The following ADAMTSL1 variants were observed in gnomAD, a reference collection of about 807,000 sequenced individuals.
The protein encoded by ADAMTSL1 is ADAMTS like 1.
A neutral mutation model predicts 201.8 loss-of-function variants in ADAMTSL1; 126 were observed. The observed-to-expected ratio is 0.62, with a 90% CI of 0.54 to 0.72. The LOEUF (loss-of-function observed/expected upper bound fraction) is 0.72. Among genes scored for constraint, ADAMTSL1 ranks in the 30% least tolerant of loss-of-function variants. The probability of loss-of-function intolerance (pLI) is 0.00; values close to 1 mark genes in which losing one functional copy is unlikely to be tolerated. For synonymous variants in ADAMTSL1, 1,121 were observed against 903.4 expected, an observed-to-expected ratio of 1.24 and a Z score of -4.32; for missense variants, 2,679 against 2,277.8, an observed-to-expected ratio of 1.18 and a Z score of -3.59.
chr9:18,561,750 T>G (rs1821516894), intron 3 of ADAMTSL1, among the ~76,000 whole-genome samples: 1 of 152,216 alleles, frequency 6.6e-6, no homozygotes, highest in South Asian at 2.1e-4. Flanking sequence ...GCTCTTCTTG[T>G]TGCATTGATC....
chr9:18,502,500 T>C (rs1822896181), intron 1 of ADAMTSL1, among the ~76,000 whole-genome samples: 1 of 152,204 alleles, frequency 6.6e-6, no homozygotes, highest in South Asian at 2.1e-4. Context: ...AAGAAATTTG[T>C]GTATGCATAC....
chr9:18,801,513 C>A (rs1471556828), intron 20 of ADAMTSL1, among the ~76,000 whole-genome samples: 1 of 152,158 alleles, frequency 6.6e-6, no homozygotes, highest in African/African-American at 2.4e-5. Flanking sequence ...ATTTTTTCAG[C>A]TCCGCTCTCT....
intron 23 of ADAMTSL1, among the ~76,000 whole-genome samples, chr9:18,856,057 T>A (rs1826825491): frequency 6.6e-6 from 1 of 152,190 alleles, no homozygotes; most frequent in Non-Finnish European, 1.5e-5. Context: ...CTCAGATTCT[T>A]ACTGAAAGGC....
intron 2 of ADAMTSL1, among the ~76,000 whole-genome samples, chr9:18,357,779 A>G (rs969007287): frequency 6.6e-6 from 1 of 152,010 alleles, no homozygotes; most frequent in Non-Finnish European, 1.5e-5. Flanking sequence ...GAAAACATGA[A>G]AATGAAGACC....
chr9:18,622,633 A>G, intron 5 of ADAMTSL1: 1 of 568,740 alleles, frequency 1.8e-6, no homozygotes, highest in South Asian at 2.4e-5. Flanking sequence ...CTTTCTGTAC[A>G]AACATGAGCT....
intron 23 of ADAMTSL1, among the ~76,000 whole-genome samples, chr9:18,882,958 C>G (rs1402039565): frequency 6.8e-6 from 1 of 147,840 alleles, no homozygotes; most frequent in Non-Finnish European, 1.5e-5. Context: ...CACCATTACA[C>G]TCCAACCTGA....
At chr9:18,866,679 G>A (rs1827560271) in intron 23 of ADAMTSL1, among the ~76,000 whole-genome samples, 2 of 152,208 alleles carry the variant, frequency 1.3e-5, no homozygotes, top group Admixed American at 6.5e-5. Flanking sequence ...TCAGGAATGA[G>A]AGGCTATGTT....
intron 2 of ADAMTSL1, among the ~76,000 whole-genome samples, chr9:18,270,701 C>A (rs1018446512): frequency 6.6e-6 from 1 of 152,146 alleles, no homozygotes; most frequent in Non-Finnish European, 1.5e-5. Context: ...GGGAAGCTAA[C>A]AGACCATCAC....
intron 2 of ADAMTSL1, among the ~76,000 whole-genome samples, chr9:18,439,797 A>G (rs1470612932): frequency 6.6e-6 from 1 of 152,224 alleles, no homozygotes; most frequent in Non-Finnish European, 1.5e-5. Flanking sequence ...GCAAGTTTCT[A>G]GGCACTTTAT....
chr9:18,716,953 T>G (rs1346749109), intron 14 of ADAMTSL1, among the ~76,000 whole-genome samples: 2 of 137,822 alleles, frequency 1.5e-5, no homozygotes, highest in Non-Finnish European at 3.2e-5. Flanking sequence ...ATGGATGAAA[T>G]TGGAAATCAT....
At chr9:18,242,920 C>A (rs539644666) in intron 2 of ADAMTSL1, among the ~76,000 whole-genome samples, 1 of 152,108 alleles carries the variant, frequency 6.6e-6, no homozygotes, top group South Asian at 2.1e-4. Context: ...CCCATACTAC[C>A]CAAATCAATA....
chr9:18,899,652 T>C (rs910218308), intron 26 of ADAMTSL1, among the ~76,000 whole-genome samples: 1 of 152,182 alleles, frequency 6.6e-6, no homozygotes, highest in African/African-American at 2.4e-5. Flanking sequence ...TACAACCATC[T>C]GATCTTTGAC....
At chr9:18,303,191 C>T (rs181715108) in intron 2 of ADAMTSL1, among the ~76,000 whole-genome samples, 5 of 152,262 alleles carry the variant, frequency 3.3e-5, no homozygotes, top group Admixed American at 6.5e-5. Context: ...ACTCAGGAAA[C>T]CCTCAAGGAG....
intron 16 of ADAMTSL1, among the ~76,000 whole-genome samples, chr9:18,755,372 T>C (rs1460529632): frequency 2.0e-5 from 3 of 152,218 alleles, no homozygotes. Context: ...TGCTATTAGG[T>C]ACATAAGTTA....
intron 3 of ADAMTSL1, among the ~76,000 whole-genome samples, chr9:18,568,685 A>C (rs1448521976): frequency 2.0e-5 from 3 of 151,680 alleles, no homozygotes; most frequent in African/African-American, 7.3e-5. Context: ...TATGGGGTTT[A>C]AGTACATTTC....
chr9:18,763,020 C>A (rs1820161766), intron 16 of ADAMTSL1, among the ~76,000 whole-genome samples: 1 of 152,136 alleles, frequency 6.6e-6, no homozygotes, highest in African/African-American at 2.4e-5. Flanking sequence ...TGGGTATATA[C>A]CCAGCAGTAT....
intron 1 of ADAMTSL1, among the ~76,000 whole-genome samples, chr9:17,941,008 A>G (rs1050956816): frequency 6.6e-5 from 10 of 151,294 alleles, no homozygotes; most frequent in Non-Finnish European, 1.2e-4. Context: ...CTGCAGCTAC[A>G]GGTTTTGATG....
Position 18,568,959 on chromosome 9 carries a change from A to G in ADAMTSL1, c.238-5071A>G, listed in dbSNP as rs955687590. On this transcript the variant is annotated intron_variant, in intron 3 of 28. Transcript: ENST00000380548. ...CTCTCTAAAGGAAAATGCCTTCTTT[A>G]AAAAGAATGAAAATAAAGAAAAATT... Among the ~76,000 whole-genome samples the G allele has an allele frequency of 3.6e-4, 55 of 152,182 alleles. 3 individuals carry two copies. Among genetic ancestry groups the G allele is most frequent in the Non-Finnish European group, 4.4e-5 (3 of 68,024 alleles).
chr9:18,485,500 G>A (rs908110233), intron 1 of ADAMTSL1, among the ~76,000 whole-genome samples: 3 of 152,140 alleles, frequency 2.0e-5, no homozygotes, highest in African/African-American at 7.2e-5. Flanking sequence ...ATAATAGACC[G>A]AGGCAGAGCA....
Sources: gnomAD v4.1 joint callset for allele counts (sites outside exome capture counted in the v4.1 genomes callset) on GRCh38, gnomAD v4.1.1 for gene constraint, MANE v1.5 for transcripts, NCBI Gene and HGNC (gene_info 2026-07-23, HGNC 2026-07-21) for gene names.